RBFOX1: variants seen among roughly 807,000 people sequenced by gnomAD.
RBFOX1 encodes the protein RNA binding fox-1 homolog 1, also known as RNA binding protein fox-1 homolog 1.
Under a neutral mutation model 57.7 loss-of-function variants are expected in RBFOX1, and 8 were observed. That is an observed-to-expected ratio of 0.14 (90% CI 0.08 to 0.25). The LOEUF (loss-of-function observed/expected upper bound fraction) is 0.25, where lower values mean the gene tolerates loss of function less well. RBFOX1 is among the 10% of genes least tolerant of loss of function. The probability of loss-of-function intolerance (pLI) is 1.00; values close to 1 mark genes in which losing one functional copy is unlikely to be tolerated. For synonymous variants in RBFOX1, 326 were observed against 222.4 expected, an observed-to-expected ratio of 1.47 and a Z score of -4.15; for missense variants, 611 against 548.5, an observed-to-expected ratio of 1.11 and a Z score of -1.14.
chr16:6,763,541 A>G (rs1270083826), intron 3 of RBFOX1, among the ~76,000 whole-genome samples: 1 of 152,212 alleles, frequency 6.6e-6, no homozygotes, highest in Non-Finnish European at 1.5e-5. Flanking sequence ...CAACAGAGAA[A>G]ATGAGTTTTG....
At chr16:6,867,979 C>T (rs572751665) in intron 3 of RBFOX1, among the ~76,000 whole-genome samples, 72 of 152,190 alleles carry the variant, frequency 4.7e-4, no homozygotes, top group Non-Finnish European at 5.3e-4. Context: ...ATTTTGATTT[C>T]TGTACTTGAT....
At chr16:5,528,902 G>C (rs979365092) in intron 2 of RBFOX1, among the ~76,000 whole-genome samples, 1 of 151,900 alleles carries the variant, frequency 6.6e-6, no homozygotes, top group African/African-American at 2.4e-5. Context: ...CATCTGCTTC[G>C]GCCTCCCAAA....
chr16:5,436,053 A>T (rs2067908594), intron 1 of RBFOX1, among the ~76,000 whole-genome samples: 1 of 152,228 alleles, frequency 6.6e-6, no homozygotes, highest in South Asian at 2.1e-4. Context: ...TACAAACTAA[A>T]ACAAGCCCGT....
At chr16:5,664,948 C>CCTT (rs1555496931) in intron 3 of RBFOX1, among the ~76,000 whole-genome samples, 11 of 146,862 alleles carry the variant, frequency 7.5e-5, no homozygotes, top group African/African-American at 2.8e-4. Flanking sequence ...TATCTCTGCT[C>CCTT]TTTTTTTTTT....
At chr16:6,887,790 G>A (rs2064449254) in intron 3 of RBFOX1, among the ~76,000 whole-genome samples, 1 of 151,844 alleles carries the variant, frequency 6.6e-6, no homozygotes. Context: ...AGCCTCCTGA[G>A]TAGCTGGGTT....
At chr16:7,295,953 C>G (rs928344843) in intron 4 of RBFOX1, among the ~76,000 whole-genome samples, 1 of 152,156 alleles carries the variant, frequency 6.6e-6, no homozygotes, top group African/African-American at 2.4e-5. Flanking sequence ...TGCAGTGAAC[C>G]TGTGGGGGTA....
chr16:5,706,001 C>G (rs982285309), intron 3 of RBFOX1, among the ~76,000 whole-genome samples: 9 of 152,148 alleles, frequency 5.9e-5, no homozygotes, highest in African/African-American at 1.9e-4. Flanking sequence ...ACCTCTGCCT[C>G]CCAGGTTCAA....
intron 4 of RBFOX1, among the ~76,000 whole-genome samples, chr16:5,984,275 C>T (rs761105821): frequency 4.7e-5 from 7 of 148,320 alleles, no homozygotes; most frequent in Non-Finnish European, 7.4e-5. Flanking sequence ...TTTCTGCTGC[C>T]TAAATACACG....
intron 4 of RBFOX1, among the ~76,000 whole-genome samples, chr16:7,453,917 GTCT>G (rs2057937734): frequency 1.3e-5 from 2 of 152,160 alleles, no homozygotes; most frequent in African/African-American, 2.4e-5. Context: ...GGAAGTGTTG[GTCT>G]TCTGGTAGGG....
chr16:6,483,347 A>C, intron 2 of RBFOX1: 1 of 1,482,856 alleles, frequency 6.7e-7, no homozygotes, highest in Non-Finnish European at 9.0e-7. Flanking sequence ...CGGTCGTGCC[A>C]GGCAGCCCGG....
chr16:6,270,651 T>A (rs182931691), intron 1 of RBFOX1, among the ~76,000 whole-genome samples: 283 of 152,228 alleles, frequency 1.9e-3, no homozygotes, highest in African/African-American at 6.3e-3. Flanking sequence ...GGCTAAACAC[T>A]ATTAGGAATT....
intron 1 of RBFOX1, among the ~76,000 whole-genome samples, chr16:5,338,908 T>C (rs1394892083): frequency 6.6e-6 from 1 of 152,216 alleles, no homozygotes; most frequent in Non-Finnish European, 1.5e-5. Flanking sequence ...TCTTTTTATA[T>C]TGACAAGATT....
chr16:6,523,480 G>A (rs2096536642), intron 2 of RBFOX1, among the ~76,000 whole-genome samples: 1 of 152,138 alleles, frequency 6.6e-6, no homozygotes, highest in Non-Finnish European at 1.5e-5. Context: ...GGCAGCTCCA[G>A]TCTTTCAGTG....
At chr16:6,499,399 C>A (rs2095856177) in intron 2 of RBFOX1, among the ~76,000 whole-genome samples, 1 of 151,902 alleles carries the variant, frequency 6.6e-6, no homozygotes, top group Admixed American at 6.6e-5. Context: ...TATGAAAAAT[C>A]TTAATTAAAA....
intron 2 of RBFOX1, among the ~76,000 whole-genome samples, chr16:6,415,422 GT>G (rs1395522730): frequency 6.6e-6 from 1 of 151,788 alleles, no homozygotes; most frequent in Non-Finnish European, 1.5e-5. Flanking sequence ...TGGGCCGGGC[GT>G]GGTGGCTCAC....
At chr16:5,362,829 C>T (rs555889306) in intron 1 of RBFOX1, among the ~76,000 whole-genome samples, 11 of 151,780 alleles carry the variant, frequency 7.2e-5, no homozygotes, top group Non-Finnish European at 1.5e-4. Context: ...TTTTACTTAG[C>T]ATAATGTCTC....
intron 2 of RBFOX1, among the ~76,000 whole-genome samples, chr16:5,568,530 G>A (rs141568651): frequency 2.1e-4 from 32 of 152,262 alleles, no homozygotes; most frequent in East Asian, 1.4e-3. Context: ...CAAGATAAGC[G>A]CGCAGGGGTT....
intron 3 of RBFOX1, among the ~76,000 whole-genome samples, chr16:6,892,135 G>A (rs1357868675): frequency 6.6e-6 from 1 of 152,082 alleles, no homozygotes; most frequent in African/African-American, 2.4e-5. Flanking sequence ...CAAACCCCCT[G>A]GTTGGTGATT....
chr16:6,842,029 G>T (rs1051563012), intron 3 of RBFOX1, among the ~76,000 whole-genome samples: 1 of 151,802 alleles, frequency 6.6e-6, no homozygotes, highest in Admixed American at 6.6e-5. Flanking sequence ...TGTAGTCCCA[G>T]CTACACGGGA....
Sources: allele counts gnomAD v4.1 joint callset (sites outside exome capture counted in the v4.1 genomes callset), GRCh38; gene constraint gnomAD v4.1.1; transcripts MANE v1.5; gene names NCBI Gene and HGNC (gene_info 2026-07-23, HGNC 2026-07-21).